The following BPIFB6 variants were observed in gnomAD, a reference collection of about 807,000 sequenced individuals.
The protein encoded by BPIFB6 is BPI fold-containing family B member 6.
A neutral mutation model predicts 54.7 loss-of-function variants in BPIFB6; 47 were observed. The ratio of observed to expected loss-of-function variants is 0.86; its 90% confidence interval spans 0.68 to 1.10. The LOEUF is 1.10. BPIFB6 is among the 50% of genes least tolerant of loss of function. The probability of loss-of-function intolerance (pLI) is 0.00; values close to 1 mark genes in which losing one functional copy is unlikely to be tolerated. For synonymous variants in BPIFB6, 255 were observed against 225.9 expected (o/e 1.13, Z -1.16); for missense variants, 603 against 564.1 (o/e 1.07, Z -0.70).
chr20:33,037,001 T>C (rs1454393454), intron 7 of BPIFB6, among the ~76,000 whole-genome samples: 2 of 152,082 alleles, frequency 1.3e-5, no homozygotes, highest in Admixed American at 6.5e-5. Flanking sequence ...CCTCACCCAG[T>C]TGTATCCTGC....
At chr20:33,032,380 G>A (rs570738720) in intron 1 of BPIFB6, among the ~76,000 whole-genome samples, 28 of 152,200 alleles carry the variant, frequency 1.8e-4, no homozygotes, top group African/African-American at 6.0e-4. Context: ...TGTTACTTGG[G>A]GTTGGGTCCT....
intron 14 of BPIFB6, 130 bp downstream of exon 14, chr20:33,043,497 G>A: frequency 1.3e-6 from 1 of 794,608 alleles, no homozygotes; most frequent in Non-Finnish European, 2.1e-6. Context: ...ATATAATCCT[G>A]CCCCTCAGAA....
chr20:33,032,942 T>C, intron 1 of BPIFB6, 42 bp from the exon 2 acceptor site: 1 of 1,526,256 alleles, frequency 6.6e-7, no homozygotes, highest in Non-Finnish European at 9.1e-7. Context: ...CCTGAGTGAT[T>C]GGCCCAGGGA....
chr20:33,043,085 T>C (rs373220136), intron 13 of BPIFB6, among the ~76,000 whole-genome samples: 7 of 152,238 alleles, frequency 4.6e-5, no homozygotes, highest in Non-Finnish European at 1.0e-4. Flanking sequence ...ATTTGGGCTC[T>C]GACTTTTGAC....
intron 6 of BPIFB6, 142 bp downstream of exon 6, chr20:33,035,814 C>T (rs1359104593): frequency 1.1e-6 from 1 of 870,086 alleles, no homozygotes; most frequent in Non-Finnish European, 1.9e-6. Flanking sequence ...TGTTCATCCC[C>T]CCACTGTCCC....
intron 7 of BPIFB6, 147 bp downstream of exon 7, chr20:33,036,683 T>C: frequency 1.3e-6 from 1 of 748,984 alleles, no homozygotes; most frequent in Non-Finnish European, 2.3e-6. Flanking sequence ...CATGTGGGTG[T>C]TTGTGGACCC....
intron 3 of BPIFB6, 102 bp from the exon 4 acceptor site, chr20:33,034,661 C>A (rs1437291453): frequency 7.3e-7 from 1 of 1,362,798 alleles, no homozygotes; most frequent in Non-Finnish European, 1.0e-6. Flanking sequence ...GGTCTCCTAC[C>A]CTTTCTCCCT....
chr20:33,038,480 C>T (rs554796035), intron 8 of BPIFB6, among the ~76,000 whole-genome samples: 352 of 152,248 alleles, frequency 2.3e-3, no homozygotes, highest in Non-Finnish European at 4.2e-3. Flanking sequence ...CCCATCTTTC[C>T]GTCCACACAT....
At chr20:33,036,606 G>T (rs1469989843) in intron 7 of BPIFB6, 70 bp downstream of exon 7, 3 of 1,398,962 alleles carry the variant, frequency 2.1e-6, no homozygotes, top group Non-Finnish European at 1.0e-6. Flanking sequence ...TGATGCTTCT[G>T]CCAGGACAGG....
At chr20:33,034,567 G>T (rs997709499) in intron 3 of BPIFB6, among the ~76,000 whole-genome samples, 196 bp from the exon 4 acceptor site, 1 of 152,186 alleles carries the variant, frequency 6.6e-6, no homozygotes, top group Non-Finnish European at 1.5e-5. Context: ...GGTGTGTAGG[G>T]GTTCACCAAA....
intron 1 of BPIFB6, among the ~76,000 whole-genome samples, chr20:33,032,185 G>T (rs1195260386): frequency 6.6e-6 from 1 of 152,188 alleles, no homozygotes; most frequent in Non-Finnish European, 1.5e-5. Flanking sequence ...TCCCTAGCAG[G>T]ATAGAATAAT....
Position 33,034,792 on chromosome 20 carries a change from T to C in BPIFB6, c.332T>C (p.Val111Ala), listed in dbSNP as rs1979257344. The C allele has an allele frequency of 6.2e-7, 1 of 1,613,182 alleles. No homozygotes were observed. The highest frequency in any genetic ancestry group is 1.1e-5 in the South Asian group (1 of 91,016). ...SFMGGNMEII[V>A]ALNITATNRL... ...ATGGGAGGGAACATGGAGATCATCG[T>C]GGCCCTGAACATCACAGCCACCAAC... Residue 111 changes from valine (V) to alanine (A), a missense_variant, in exon 4 of 15, where the codon GTG becomes GCG. Transcript: ENST00000349552.
intron 11 of BPIFB6, among the ~76,000 whole-genome samples, chr20:33,040,677 C>G (rs754388155): frequency 6.6e-6 from 1 of 152,226 alleles, no homozygotes; most frequent in Non-Finnish European, 1.5e-5. Context: ...ACCTCCTCCA[C>G]GAAGCCTTTC....
At chr20:33,033,853 T>A (rs1979208479) in intron 2 of BPIFB6, among the ~76,000 whole-genome samples, 1 of 152,204 alleles carries the variant, frequency 6.6e-6, no homozygotes, top group African/African-American at 2.4e-5. Flanking sequence ...ATGTGGATAG[T>A]GCCACTTTTG....
Position 33,034,759 on chromosome 20 carries a change from C to G in BPIFB6, c.303-4C>G, listed in dbSNP as rs868060560. Reference sequence around the variant, plus strand: ...CCATGGTGCCCTCCTGCTCTGTCCTCCAGCTTCATGGGAGGGAACATGGAG... The same window carrying G: ...CCATGGTGCCCTCCTGCTCTGTCCTGCAGCTTCATGGGAGGGAACATGGAG... On this transcript the variant is annotated splice_polypyrimidine_tract_variant and splice_region_variant and intron_variant, in intron 3 of 14. Coordinates refer to ENST00000349552, the MANE Select transcript of BPIFB6 (RefSeq NM_174897.2). The G allele has an allele frequency of 6.2e-7, 1 of 1,604,062 alleles. No homozygotes were observed. The highest frequency in any genetic ancestry group is 8.5e-7 in the Non-Finnish European group (1 of 1,172,738).
chr20:33,038,901 T>C lies in BPIFB6; in HGVS notation c.847-8T>C. ...CCAGCAACCCTAACCTTGACTTTTATTCTGTAGATTGGTGAGCTGCCCCCA... is the reference window on the plus strand; with the variant it reads ...CCAGCAACCCTAACCTTGACTTTTACTCTGTAGATTGGTGAGCTGCCCCCA... On this transcript the variant is annotated splice_region_variant and splice_polypyrimidine_tract_variant and intron_variant, in intron 8 of 14. Coordinates refer to ENST00000349552, the MANE Select transcript of BPIFB6 (RefSeq NM_174897.2). 6.2e-7 allele frequency: 1 copy of C among 1,614,102 alleles called. No homozygotes were observed. The highest frequency in any genetic ancestry group is 8.5e-7 in the Non-Finnish European group (1 of 1,179,990).
rs1979555094 is a variant in BPIFB6 at position 33,040,974 on chromosome 20, TAGG to T, written c.1142+659_1142+661del. Among the ~76,000 whole-genome samples the T allele has an allele frequency of 3.3e-5, 5 of 151,398 alleles. No individual in the cohort carries two copies. The South Asian group carries it at 1.0e-3, about 32-fold the overall frequency. On this transcript the variant is annotated intron_variant, in intron 11 of 14. Transcript: ENST00000349552. ...CCTTGGCTCATATAACTGAAAACTT[TAGG>T]AGTAGTTCTTTTTTTTTTTTTTTTT...
chr20:33,035,577 G>A (rs1237952218), intron 5 of BPIFB6, 35 bp from the exon 6 acceptor site: 6 of 1,606,230 alleles, frequency 3.7e-6, no homozygotes, highest in Non-Finnish European at 5.1e-6. Flanking sequence ...CTCCATGCAG[G>A]GACCCTCTCA....
intron 13 of BPIFB6, 49 bp downstream of exon 13, chr20:33,042,927 G>A (rs143686417): frequency 1.3e-6 from 2 of 1,567,550 alleles, no homozygotes; most frequent in South Asian, 2.2e-5. Flanking sequence ...AGCACTTTAA[G>A]CAATAAGGGA....
Sources: gnomAD v4.1 joint callset for allele counts (sites outside exome capture counted in the v4.1 genomes callset) on GRCh38, gnomAD v4.1.1 for gene constraint, MANE v1.5 for transcripts, NCBI Gene and HGNC (gene_info 2026-07-23, HGNC 2026-07-21) for gene names.